Variants in ASTN2 observed in about 807,000 individuals in gnomAD.
ASTN2 encodes astrotactin-2.
ASTN2 carries 54 observed loss-of-function variants against 139.8 expected under a neutral mutation model. That is an observed-to-expected ratio of 0.39 (90% CI 0.31 to 0.48). The LOEUF (loss-of-function observed/expected upper bound fraction) is 0.48. ASTN2 is among the 20% of genes least tolerant of loss of function. The probability of loss-of-function intolerance (pLI) is 0.95; values close to 1 mark genes in which losing one functional copy is unlikely to be tolerated. For synonymous variants in ASTN2, 756 were observed against 719.5 expected (o/e 1.05, Z -0.81); for missense variants, 1,565 against 1,725.1 (o/e 0.91, Z 1.64).
intron 3 of ASTN2, among the ~76,000 whole-genome samples, chr9:117,172,276 G>C (rs1394488341): frequency 6.6e-6 from 1 of 152,050 alleles, no homozygotes; most frequent in African/African-American, 2.4e-5. Flanking sequence ...TGCTGCCACC[G>C]GGTCCTTAGA....
intron 1 of ASTN2, among the ~76,000 whole-genome samples, chr9:117,368,372 G>T (rs1287264932): frequency 6.6e-6 from 1 of 151,876 alleles, no homozygotes; most frequent in Non-Finnish European, 1.5e-5. Context: ...AACACAAAAA[G>T]AATGTTCCAG....
intron 19 of ASTN2, among the ~76,000 whole-genome samples, chr9:116,512,469 G>C (rs998662468): frequency 3.3e-5 from 5 of 152,202 alleles, no homozygotes; most frequent in Admixed American, 3.3e-4. Flanking sequence ...TGAGAAGAAT[G>C]TATATTCTGT....
At chr9:116,999,513 TTTTCTTTC>T (rs1485552395) in intron 7 of ASTN2, among the ~76,000 whole-genome samples, 2 of 151,634 alleles carry the variant, frequency 1.3e-5, no homozygotes, top group Non-Finnish European at 2.9e-5. Flanking sequence ...TTAGTAATTA[TTTTCTTTC>T]TTTCCTCTTT....
chr9:116,526,115 C>T (rs919125011), intron 19 of ASTN2, among the ~76,000 whole-genome samples: 1 of 152,180 alleles, frequency 6.6e-6, no homozygotes, highest in Non-Finnish European at 1.5e-5. Context: ...TTCATTTGTT[C>T]TTCTCTAATC....
chr9:117,180,615 G>A, intron 3 of ASTN2: 1 of 1,243,406 alleles, frequency 8.0e-7, no homozygotes, highest in Non-Finnish European at 1.1e-6. Flanking sequence ...CTAAACAACT[G>A]ATCTGGAGTA....
At chr9:117,371,568 G>A (rs1829991637) in intron 1 of ASTN2, among the ~76,000 whole-genome samples, 1 of 152,108 alleles carries the variant, frequency 6.6e-6, no homozygotes, top group South Asian at 2.1e-4. Flanking sequence ...CCCCCCAATA[G>A]TTGTGTGACC....
At chr9:116,688,886 A>C (rs1860419895) in intron 16 of ASTN2, among the ~76,000 whole-genome samples, 1 of 151,956 alleles carries the variant, frequency 6.6e-6, no homozygotes, top group East Asian at 1.9e-4. Context: ...CCAGAAAAAA[A>C]AAAGGGAACC....
chr9:117,101,714 A>C (rs1383951282), intron 4 of ASTN2, among the ~76,000 whole-genome samples: 1 of 152,216 alleles, frequency 6.6e-6, no homozygotes, highest in African/African-American at 2.4e-5. Flanking sequence ...TCAAAATTAC[A>C]CAAATGGCAG....
intron 3 of ASTN2, among the ~76,000 whole-genome samples, chr9:117,157,500 A>G (rs920568592): frequency 2.0e-5 from 3 of 152,066 alleles, no homozygotes; most frequent in Non-Finnish European, 4.4e-5. Flanking sequence ...AGGCACTGAA[A>G]TAAAAATGAA....
chr9:116,882,315 GA>G (rs1833469110), intron 10 of ASTN2, among the ~76,000 whole-genome samples: 1 of 152,204 alleles, frequency 6.6e-6, no homozygotes, highest in South Asian at 2.1e-4. Flanking sequence ...GAGAGTGAGT[GA>G]AAGTTACTGT....
intron 4 of ASTN2, among the ~76,000 whole-genome samples, chr9:117,102,929 G>A (rs1316204253): frequency 1.3e-5 from 2 of 151,832 alleles, no homozygotes; most frequent in Non-Finnish European, 2.9e-5. Context: ...AACCATAAAT[G>A]GGGAATGTGA....
intron 1 of ASTN2, among the ~76,000 whole-genome samples, chr9:117,376,799 A>G (rs371836222): frequency 2.0e-5 from 3 of 152,318 alleles, no homozygotes; most frequent in East Asian, 1.9e-4. Flanking sequence ...CATTGCATCT[A>G]GCACATCATA....
intron 6 of ASTN2, among the ~76,000 whole-genome samples, chr9:117,011,396 C>A (rs1410232911): frequency 2.0e-5 from 3 of 152,160 alleles, no homozygotes; most frequent in Admixed American, 1.3e-4. Context: ...TCACTCCTTC[C>A]ACCATGTGAG....
At chr9:117,045,994 A>ACG (rs1435085174) in intron 5 of ASTN2, among the ~76,000 whole-genome samples, 103 of 148,730 alleles carry the variant, frequency 6.9e-4, no homozygotes, top group South Asian at 1.3e-3. Flanking sequence ...GTACGTACGT[A>ACG]TGTATGTATG....
At chr9:116,533,227 C>T (rs886828297) in intron 19 of ASTN2, among the ~76,000 whole-genome samples, 3 of 152,168 alleles carry the variant, frequency 2.0e-5, no homozygotes, top group Non-Finnish European at 4.4e-5. Context: ...TGAGACTTTG[C>T]TGAAGTTGCT....
chr9:116,535,113 T>C (rs1259455259), intron 19 of ASTN2, among the ~76,000 whole-genome samples: 1 of 152,232 alleles, frequency 6.6e-6, no homozygotes, highest in Non-Finnish European at 1.5e-5. Flanking sequence ...TACCATTATG[T>C]AATGGCCTTC....
At chr9:116,877,928 A>C (rs559228874) in intron 10 of ASTN2, among the ~76,000 whole-genome samples, 1 of 152,256 alleles carries the variant, frequency 6.6e-6, no homozygotes, top group Non-Finnish European at 1.5e-5. Context: ...AAAAGAAGAC[A>C]TTCATGTGGC....
intron 17 of ASTN2, 52 bp downstream of exon 17, chr9:116,651,469 GGGTAGGA>G (rs1357374257): frequency 1.2e-5 from 19 of 1,578,314 alleles, no homozygotes; most frequent in Admixed American, 1.7e-5. Context: ...GGGTCCACAA[GGGTAGGA>G]GGTAGGAGGG....
chr9:117,319,643 C>T (rs1277322141), intron 1 of ASTN2, among the ~76,000 whole-genome samples: 2 of 151,310 alleles, frequency 1.3e-5, no homozygotes, highest in African/African-American at 4.9e-5. Flanking sequence ...GCCATGTTGG[C>T]CAGGCTGGTC....
Sources: gnomAD v4.1 joint callset for allele counts (sites outside exome capture counted in the v4.1 genomes callset) on GRCh38, gnomAD v4.1.1 for gene constraint, MANE v1.5 for transcripts, NCBI Gene and HGNC (gene_info 2026-07-23, HGNC 2026-07-21) for gene names.